ASH1L: variants seen among roughly 807,000 people sequenced by gnomAD.
ASH1L encodes the protein histone-lysine N-methyltransferase ASH1L.
Under a neutral mutation model 269.0 loss-of-function variants are expected in ASH1L, and 23 were observed. The observed-to-expected ratio is 0.09, with a 90% CI of 0.06 to 0.12. The LOEUF is 0.12. Among genes scored for constraint, ASH1L ranks in the 10% least tolerant of loss-of-function variants. The probability of loss-of-function intolerance (pLI) is 1.00; values close to 1 mark genes in which losing one functional copy is unlikely to be tolerated. For missense variants in ASH1L, 2,912 were observed against 3,567.8 expected (o/e 0.82, Z 4.68); for synonymous variants, 1,187 against 1,253.5 (o/e 0.95, Z 1.12).
chr1:155,545,958 A>C (rs1179805752), intron 1 of ASH1L, among the ~76,000 whole-genome samples: 1 of 152,014 alleles, frequency 6.6e-6, no homozygotes, highest in African/African-American at 2.4e-5. Flanking sequence ...GGAGTTCGAG[A>C]CCAGCCTGGC....
chr1:155,501,927 C>G (rs1375930077), intron 2 of ASH1L, among the ~76,000 whole-genome samples: 7 of 152,004 alleles, frequency 4.6e-5, no homozygotes, highest in African/African-American at 1.7e-4. Flanking sequence ...TCCCAAAATG[C>G]TGGGATTACA....
intron 1 of ASH1L, among the ~76,000 whole-genome samples, chr1:155,546,756 C>CAA (rs924039977): frequency 7.1e-6 from 1 of 141,414 alleles, no homozygotes; most frequent in Non-Finnish European, 1.5e-5. Flanking sequence ...GACTCCGTCT[C>CAA]AAAAAAAAAA....
At chr1:155,553,251 G>C (rs1671337124) in intron 1 of ASH1L, among the ~76,000 whole-genome samples, 3 of 152,020 alleles carry the variant, frequency 2.0e-5, no homozygotes, top group Non-Finnish European at 4.4e-5. Flanking sequence ...TATAATCAAG[G>C]CCTGATTAAC....
chr1:155,366,664 T>C (rs1284046311), intron 12 of ASH1L, among the ~76,000 whole-genome samples: 1 of 152,194 alleles, frequency 6.6e-6, no homozygotes, highest in African/African-American at 2.4e-5. Flanking sequence ...TTGTAAATTG[T>C]ATTGGTTTTT....
At chr1:155,425,898 T>C (rs1363289208) in intron 5 of ASH1L, among the ~76,000 whole-genome samples, 3 of 150,680 alleles carry the variant, frequency 2.0e-5, no homozygotes, top group African/African-American at 7.3e-5. Context: ...TGTGGTGTTT[T>C]TTTTTTTTGA....
chr1:155,423,657 C>T (rs979961189), intron 5 of ASH1L, among the ~76,000 whole-genome samples: 3 of 152,230 alleles, frequency 2.0e-5, no homozygotes, highest in African/African-American at 4.8e-5. Context: ...ACTAAGTTTT[C>T]GCACTTGCTG....
Position 155,428,534 on chromosome 1 carries a change from T to G in ASH1L, c.5828+9793A>C, listed in dbSNP as rs183832135. On this transcript the variant is annotated intron_variant, in intron 5 of 27. Transcript: ENST00000392403. ...AAAACTGGCCATAAACAAAATCTCT[T>G]CAGCACTGTGACATGTTCATGATGG... Among the ~76,000 whole-genome samples, 935 of 152,226 alleles carry G rather than the reference T, an allele frequency of 6.1e-3. 10 individuals are homozygous for G. The highest frequency in any genetic ancestry group is 0.022 in the African/African-American group (910 of 41,542).
intron 6 of ASH1L, among the ~76,000 whole-genome samples, chr1:155,397,819 C>T (rs1185418329): frequency 5.3e-5 from 8 of 152,138 alleles, no homozygotes; most frequent in Admixed American, 5.2e-4. Context: ...GCCTCAGCTC[C>T]CAAAGTCTTG....
chr1:155,436,986 A>T (rs1662151170), intron 5 of ASH1L, among the ~76,000 whole-genome samples: 1 of 152,136 alleles, frequency 6.6e-6, no homozygotes, highest in South Asian at 2.1e-4. Flanking sequence ...AAATCATCTG[A>T]CCATGCATGC....
chr1:155,518,414 CT>C (rs1035218578), intron 2 of ASH1L, among the ~76,000 whole-genome samples: 6 of 151,538 alleles, frequency 4.0e-5, no homozygotes, highest in Non-Finnish European at 5.9e-5. Context: ...AAATTGAAAA[CT>C]TTTTTTTGCA....
intron 7 of ASH1L, among the ~76,000 whole-genome samples, chr1:155,382,156 A>G (rs1400249077): frequency 6.6e-6 from 1 of 151,032 alleles, no homozygotes; most frequent in African/African-American, 2.4e-5. Flanking sequence ...CAGTGAGCCC[A>G]GATCGTGCCA....
At chr1:155,536,924 A>G (rs1670095762) in intron 1 of ASH1L, among the ~76,000 whole-genome samples, 1 of 151,820 alleles carries the variant, frequency 6.6e-6, no homozygotes, top group Non-Finnish European at 1.5e-5. Flanking sequence ...GAGTGCCTGT[A>G]GTCCCAGCTA....
intron 2 of ASH1L, among the ~76,000 whole-genome samples, chr1:155,505,988 C>A (rs999328155): frequency 2.6e-5 from 4 of 152,102 alleles, no homozygotes; most frequent in Non-Finnish European, 4.4e-5. Flanking sequence ...TCCCTCCCCC[C>A]TGCCCCCACC....
intron 25 of ASH1L, among the ~76,000 whole-genome samples, chr1:155,341,291 C>T (rs1652777274): frequency 1.3e-5 from 2 of 152,074 alleles, no homozygotes; most frequent in Non-Finnish European, 2.9e-5. Context: ...ATTCTCCTGC[C>T]TCAGCCTCCC....
intron 4 of ASH1L, among the ~76,000 whole-genome samples, chr1:155,449,590 G>C (rs1663318719): frequency 6.6e-6 from 1 of 151,292 alleles, no homozygotes; most frequent in Non-Finnish European, 1.5e-5. Flanking sequence ...CACGATCTCG[G>C]CTCACTGCCA....
At chr1:155,459,282 G>A (rs528629961) in intron 4 of ASH1L, among the ~76,000 whole-genome samples, 9 of 151,552 alleles carry the variant, frequency 5.9e-5, no homozygotes, top group South Asian at 4.2e-4. Context: ...TGCAACCTCC[G>A]CCTCCCAGGT....
At chr1:155,506,803 A>G (rs1413597006) in intron 2 of ASH1L, among the ~76,000 whole-genome samples, 1 of 152,160 alleles carries the variant, frequency 6.6e-6, no homozygotes, top group Non-Finnish European at 1.5e-5. Flanking sequence ...GTGGGTTTTA[A>G]TAATTCTCAG....
chr1:155,349,444 A>G lies in ASH1L; in HGVS notation c.7437T>C (p.Tyr2479=). 6.2e-7 allele frequency: 1 copy of G among 1,614,140 alleles called. No homozygotes were observed. The highest frequency in any genetic ancestry group is 1.7e-5 in the Admixed American group (1 of 60,008). ...GATCTAGGGGATCAGAGATCTTCTC[A>G]TAATAATCAGCATTCCTGGAACACA... The part of the protein sequence containing the change: ...LPPKKKNADY[Y]EKISDPLDLI... Residue 2479 remains tyrosine (Y), a synonymous_variant, in exon 19 of 28, where the codon TAT becomes TAC. Coordinates refer to ENST00000392403, the MANE Select transcript of ASH1L (RefSeq NM_018489.3).
At position 155,343,728 on chromosome 1, in the gene ASH1L, G is replaced by A; in HGVS notation, c.7996C>T (p.Leu2666=). ...LLLRQGDCVY[L]MRDSRRTPDG... ...GGGGTGCGCCGACTATCCCTCATCA[G>A]ATACACACAGTCACCTAGGAAGACC... The change falls in exon 23 of 28, where the codon CTG becomes TTG. Residue 2666 remains leucine, a synonymous_variant. Transcript: ENST00000392403. This position sits in a 1 kb window ranked among gnomAD's most constrained non-coding sequence, Gnocchi z 6.1. 1 of 1,614,088 alleles carries A rather than the reference G, an allele frequency of 6.2e-7. No individual in the cohort carries two copies. The highest frequency in any genetic ancestry group is 8.5e-7 in the Non-Finnish European group (1 of 1,180,008).
Sources: gnomAD v4.1 joint callset for allele counts (sites outside exome capture counted in the v4.1 genomes callset) on GRCh38, gnomAD v4.1.1 for gene constraint, Gnocchi (gnomAD v3.1) non-coding constraint, MANE v1.5 for transcripts, NCBI Gene and HGNC (gene_info 2026-07-23, HGNC 2026-07-21) for gene names.